SMIM35: variants seen among roughly 807,000 people sequenced by gnomAD.
SMIM35 encodes TMPRSS4 antisense RNA 1 (non-protein coding).
chr11:118,070,165 C>T (rs1010204738), intron 1 of SMIM35, among the ~76,000 whole-genome samples: 2 of 152,138 alleles, frequency 1.3e-5, no homozygotes, highest in Non-Finnish European at 2.9e-5. Context: ...TACTTTCTAG[C>T]CAGATTCTTT....
chr11:118,057,528 C>T (rs150730900), intron 1 of SMIM35, among the ~76,000 whole-genome samples: 2 of 152,220 alleles, frequency 1.3e-5, no homozygotes, highest in Non-Finnish European at 2.9e-5. Flanking sequence ...GAGGCAGTGC[C>T]GTTGCTGTGG....
At chr11:118,024,373 T>C (rs1266852576) in intron 1 of SMIM35, among the ~76,000 whole-genome samples, 1 of 152,198 alleles carries the variant, frequency 6.6e-6, no homozygotes, top group African/African-American at 2.4e-5. Flanking sequence ...ATGTATAGGT[T>C]GGAAAATATA....
chr11:118,067,075 C>G (rs1470303367), intron 1 of SMIM35, among the ~76,000 whole-genome samples: 2 of 151,994 alleles, frequency 1.3e-5, no homozygotes, highest in African/African-American at 2.4e-5. Flanking sequence ...TTAGTTAAAA[C>G]CAGATGAGAT....
At position 118,027,731 on chromosome 11, in the gene SMIM35, C is replaced by T. The variant is rs149421321; in HGVS notation, c.8-11922G>A. On this transcript the variant is annotated intron_variant, in intron 1 of 4. Coordinates refer to ENST00000689828, the MANE Select transcript of SMIM35 (RefSeq NM_001394165.1). ...CAGCCTACGTAAGTACTCACACTTC[C>T]AACACCTGTGGCAGGGAGGCACACA... Among the ~76,000 whole-genome samples the T allele has an allele frequency of 8.5e-3, 1,301 of 152,280 alleles. 5 individuals are homozygous for T. Among genetic ancestry groups the T allele is most frequent in the Non-Finnish European group, 0.013 (859 of 68,024 alleles).
At chr11:118,045,134 ATT>A (rs1455090003) in intron 1 of SMIM35, among the ~76,000 whole-genome samples, 2 of 152,012 alleles carry the variant, frequency 1.3e-5, no homozygotes, top group Non-Finnish European at 2.9e-5. Flanking sequence ...AAAATGGAAC[ATT>A]TTCATCTCCA....
intron 1 of SMIM35, chr11:118,077,457 G>C (rs998191133): frequency 3.3e-5 from 30 of 913,240 alleles, no homozygotes; most frequent in Non-Finnish European, 4.7e-5. Context: ...TCACACCCCA[G>C]CCCGGTACAC....
At chr11:118,066,404 A>T (rs1944475148) in intron 1 of SMIM35, among the ~76,000 whole-genome samples, 2 of 151,980 alleles carry the variant, frequency 1.3e-5, no homozygotes, top group Non-Finnish European at 2.9e-5. Context: ...CTCCATCCAC[A>T]CAGCTACCAG....
intron 1 of SMIM35, among the ~76,000 whole-genome samples, chr11:118,044,918 T>TAAAAC (rs1944073623): frequency 6.6e-6 from 1 of 151,992 alleles, no homozygotes; most frequent in Non-Finnish European, 1.5e-5. Context: ...CAAGGAACTT[T>TAAAAC]AAAACAAAAC....
intron 1 of SMIM35, among the ~76,000 whole-genome samples, chr11:118,047,207 G>T (rs1410222364): frequency 2.6e-5 from 4 of 152,168 alleles, no homozygotes; most frequent in Admixed American, 2.6e-4. Context: ...ATCTGCGAGG[G>T]TCTAAGGGGG....
chr11:118,013,398 G>A (rs1158488366), intron 4 of SMIM35, among the ~76,000 whole-genome samples: 1 of 152,232 alleles, frequency 6.6e-6, no homozygotes, highest in Non-Finnish European at 1.5e-5. Flanking sequence ...AAGTGCTAGA[G>A]TGATGCTTCT....
chr11:118,067,860 C>CATATATATATATAT (rs57497227), intron 1 of SMIM35, among the ~76,000 whole-genome samples: 5 of 80,956 alleles, frequency 6.2e-5, no homozygotes, highest in African/African-American at 1.7e-4. Context: ...CAACAACAAA[C>CATATATATATATAT]ATATATATAT....
intron 1 of SMIM35, among the ~76,000 whole-genome samples, chr11:118,066,042 G>C (rs781066695): frequency 1.3e-5 from 2 of 151,958 alleles, no homozygotes; most frequent in Non-Finnish European, 2.9e-5. Flanking sequence ...GGAAGAGGGG[G>C]CTGCAGCCCC....
chr11:118,039,960 G>T (rs775064058), intron 1 of SMIM35, among the ~76,000 whole-genome samples: 3 of 149,756 alleles, frequency 2.0e-5, no homozygotes, highest in Admixed American at 1.3e-4. Context: ...TGGTAGGATC[G>T]CTTGAACCAG....
At chr11:118,068,477 T>C (rs1036297846) in intron 1 of SMIM35, among the ~76,000 whole-genome samples, 2 of 152,158 alleles carry the variant, frequency 1.3e-5, no homozygotes, top group Non-Finnish European at 2.9e-5. Context: ...TCCAGCACAC[T>C]AGAGGCGCTC....
At chr11:118,081,506 C>T (rs1054791902) in intron 1 of SMIM35, among the ~76,000 whole-genome samples, 3 of 152,234 alleles carry the variant, frequency 2.0e-5, no homozygotes, top group Admixed American at 6.5e-5. Context: ...CCAGCTTCCT[C>T]GCATAATCCA....
intron 1 of SMIM35, among the ~76,000 whole-genome samples, chr11:118,043,145 G>A (rs982343412): frequency 2.0e-5 from 3 of 152,152 alleles, no homozygotes; most frequent in Admixed American, 6.5e-5. Flanking sequence ...GTTCTAGCCA[G>A]GGAAATAGTC....
intron 1 of SMIM35, among the ~76,000 whole-genome samples, chr11:118,070,970 T>C (rs1020499290): frequency 1.3e-5 from 2 of 152,224 alleles, no homozygotes; most frequent in African/African-American, 4.8e-5. Flanking sequence ...AGCCTCAGTT[T>C]ACTCCCTTGT....
chr11:118,066,068 C>A (rs976816951), intron 1 of SMIM35, among the ~76,000 whole-genome samples: 2 of 142,854 alleles, frequency 1.4e-5, no homozygotes, highest in Admixed American at 1.3e-4. Flanking sequence ...AGCCACAGGA[C>A]CCCCCGGACG....
At chr11:118,012,101 C>T (rs1260025872) in intron 4 of SMIM35, among the ~76,000 whole-genome samples, 3 of 152,170 alleles carry the variant, frequency 2.0e-5, no homozygotes, top group African/African-American at 7.2e-5. Flanking sequence ...ACACAGCTTC[C>T]CTCCTCCTCC....
Sources: gnomAD v4.1 joint callset for allele counts (sites outside exome capture counted in the v4.1 genomes callset) on GRCh38, gnomAD v4.1.1 for gene constraint, MANE v1.5 for transcripts, NCBI Gene and HGNC (gene_info 2026-07-23, HGNC 2026-07-21) for gene names.